Variants in SLC41A2 observed in about 807,000 individuals in gnomAD.
SLC41A2 encodes the protein SLC41A1-like 1.
A neutral mutation model predicts 58.3 loss-of-function variants in SLC41A2; 32 were observed. The ratio of observed to expected loss-of-function variants is 0.55; its 90% CI spans 0.41 to 0.74. SLC41A2 has a LOEUF of 0.74. Among genes scored for constraint, SLC41A2 ranks in the 30% least tolerant of loss-of-function variants. The pLI, the probability that SLC41A2 is intolerant of heterozygous loss-of-function variation, is 0.00. For missense variants in SLC41A2, 514 were observed against 680.6 expected, an observed-to-expected ratio of 0.76 and a Z score of 2.72; for synonymous variants, 190 against 235.0, an observed-to-expected ratio of 0.81 and a Z score of 1.75.
intron 1 of SLC41A2, among the ~76,000 whole-genome samples, chr12:104,938,455 C>T (rs958136037): frequency 2.0e-5 from 3 of 152,206 alleles, no homozygotes; most frequent in African/African-American, 7.2e-5. Flanking sequence ...TAGGAGAATT[C>T]TACTTCCTCA....
chr12:104,877,490 C>T (rs1335262014), intron 6 of SLC41A2, among the ~76,000 whole-genome samples: 4 of 152,042 alleles, frequency 2.6e-5, no homozygotes, highest in Non-Finnish European at 5.9e-5. Context: ...TTTCAGAAGA[C>T]AAAGATTAGA....
At chr12:104,849,165 C>T (rs544150989) in intron 8 of SLC41A2, among the ~76,000 whole-genome samples, 2 of 152,198 alleles carry the variant, frequency 1.3e-5, no homozygotes, top group South Asian at 4.1e-4. Context: ...AGATAAATTA[C>T]ACACCATAAA....
chr12:104,917,530 G>A (rs1399457068), intron 2 of SLC41A2, among the ~76,000 whole-genome samples: 1 of 151,936 alleles, frequency 6.6e-6, no homozygotes, highest in African/African-American at 2.4e-5. Context: ...GCACATGTAT[G>A]TTTATTGCGG....
At chr12:104,845,696 T>C in intron 9 of SLC41A2, 147 bp downstream of exon 9, 1 of 629,256 alleles carries the variant, frequency 1.6e-6, no homozygotes, top group Non-Finnish European at 2.5e-6. Context: ...TTGATACACA[T>C]GCCTTTTCAT....
At chr12:104,876,568 A>G (rs1053223398) in intron 6 of SLC41A2, among the ~76,000 whole-genome samples, 1 of 151,874 alleles carries the variant, frequency 6.6e-6, no homozygotes, top group Non-Finnish European at 1.5e-5. Flanking sequence ...TGAATTTTCC[A>G]GTTTTTTTCC....
At chr12:104,912,059 T>G (rs1362763176) in intron 2 of SLC41A2, among the ~76,000 whole-genome samples, 2 of 152,180 alleles carry the variant, frequency 1.3e-5, no homozygotes, top group Non-Finnish European at 2.9e-5. Context: ...CTCACTCACT[T>G]AATCTTCACA....
chr12:104,954,824 C>T (rs953516309), intron 1 of SLC41A2, among the ~76,000 whole-genome samples: 9 of 152,000 alleles, frequency 5.9e-5, no homozygotes, highest in Admixed American at 2.0e-4. Context: ...GAAACCTTTA[C>T]TTGTATTTTC....
In SLC41A2 at chr12:104,909,744, T is replaced by C. The variant is rs1272128797; in HGVS notation, c.574A>G (p.Lys192Glu). 1.2e-6 allele frequency: 2 copies of C among 1,607,180 alleles called. No homozygotes were observed. Among genetic ancestry groups the C allele is most frequent in the African/African-American group, 2.7e-5 (2 of 74,484 alleles). ...ACTAAAATGAAAACTTCTGTAACTT[T>C]TCTGAACACCTCCCAGTGCTGTAAG... ...DIVQHWEVFRKVTEVFILVPA... is the reference protein window; with the variant it reads ...DIVQHWEVFREVTEVFILVPA... The change falls in exon 3 of 11, where the codon AAA (lysine) becomes GAA (glutamate). Residue 192 changes from lysine to glutamate, a missense_variant. By Grantham distance (56) the Lys-to-Glu change is moderately conservative. Transcript: ENST00000258538.
intron 2 of SLC41A2, among the ~76,000 whole-genome samples, chr12:104,917,832 G>T (rs1477355700): frequency 0.21 from 3,334 of 16,036 alleles, 228 homozygotes; most frequent in African/African-American, 0.34. Flanking sequence ...GGGGTGGGGG[G>T]AGGGGGGACG....
chr12:104,874,358 G>C (rs1175574968), intron 6 of SLC41A2, among the ~76,000 whole-genome samples: 1 of 152,138 alleles, frequency 6.6e-6, no homozygotes, highest in Non-Finnish European at 1.5e-5. Flanking sequence ...ACAGGCGTGA[G>C]CCATCACGCC....
chr12:104,928,300 A>G lies in SLC41A2; in HGVS notation c.228T>C (p.Phe76=). The G allele has an allele frequency of 6.2e-7, 1 of 1,612,780 alleles. No individual in the cohort carries two copies. The highest frequency in any genetic ancestry group is 8.5e-7 in the Non-Finnish European group (1 of 1,179,122). ...CCATGTGTTGCTCAGATCTATTACT[A>G]AAAGTCTGTACTGCAGTTGATAATC... ...QDGLSTAVQT[F]SNRSEQHMEY... Residue 76 remains phenylalanine, a synonymous_variant, in exon 2 of 11, where the codon TTT becomes TTC. Transcript: ENST00000258538.
At chr12:104,840,367 A>G (rs1162658602) in intron 10 of SLC41A2, among the ~76,000 whole-genome samples, 2 of 152,214 alleles carry the variant, frequency 1.3e-5, no homozygotes, top group African/African-American at 4.8e-5. Context: ...CTGTGGGTTC[A>G]ATGTGCTAGT....
intron 7 of SLC41A2, among the ~76,000 whole-genome samples, chr12:104,865,405 A>G (rs891823143): frequency 3.3e-5 from 5 of 152,182 alleles, no homozygotes; most frequent in Non-Finnish European, 5.9e-5. Context: ...TGGGTGCTAA[A>G]GCTGGAGAAA....
chr12:104,834,479 G>A (rs537888381), intron 10 of SLC41A2, among the ~76,000 whole-genome samples: 1 of 152,144 alleles, frequency 6.6e-6, no homozygotes, highest in Non-Finnish European at 1.5e-5. Context: ...CTGACAGACA[G>A]AGAAACCAAT....
chr12:104,844,524 G>C lies in SLC41A2; in HGVS notation c.1484C>G (p.Thr495Ser). The change falls in exon 10 of 11, where the codon ACT becomes AGT. Residue 495 changes from threonine (T) to serine (S), a missense_variant. Physicochemically the swap from Thr to Ser is moderately conservative, Grantham distance 58. This residue lies in a region of SLC41A2 where 128 missense variants were observed against 146.0 expected (regional missense o/e 0.88). Transcript: ENST00000258538. The part of the protein sequence containing the change: ...YTIHLMKSGH[T>S]SLTIIFIVVY... Reference sequence around the variant, plus strand: ...TACTATGAAGATTATAGTTAAAGAAGTATGACCACTTTTCATCAAATGAAT... The same window carrying C: ...TACTATGAAGATTATAGTTAAAGAACTATGACCACTTTTCATCAAATGAAT... The C allele has an allele frequency of 6.4e-7, 1 of 1,569,722 alleles. No homozygotes were observed. Among genetic ancestry groups the C allele is most frequent in the Non-Finnish European group, 8.6e-7 (1 of 1,159,280 alleles).
intron 1 of SLC41A2, among the ~76,000 whole-genome samples, chr12:104,955,016 C>CTTTTTTTTTTTTTTTT (rs375969264): frequency 1.3e-5 from 1 of 79,174 alleles, no homozygotes; most frequent in African/African-American, 5.2e-5. Flanking sequence ...TTGGCCCTTG[C>CTTTTTTTTTTTTTTTT]TTTTTTTTTT....
chr12:104,816,315 C>A (rs2041401682), intron 10 of SLC41A2, among the ~76,000 whole-genome samples: 1 of 152,122 alleles, frequency 6.6e-6, no homozygotes, highest in Middle Eastern at 3.2e-3. Context: ...AATGACCTAC[C>A]AACAGAAAAC....
At chr12:104,950,946 G>A (rs373221961) in intron 1 of SLC41A2, among the ~76,000 whole-genome samples, 82 of 152,266 alleles carry the variant, frequency 5.4e-4, no homozygotes, top group African/African-American at 1.9e-3. Context: ...TGGGGGAGGG[G>A]TAAGCAGTAA....
intron 10 of SLC41A2, among the ~76,000 whole-genome samples, chr12:104,840,447 A>C (rs933992559): frequency 3.3e-5 from 5 of 152,264 alleles, no homozygotes; most frequent in Non-Finnish European, 7.3e-5. Context: ...TAGTCTCATA[A>C]ATGCTGACTG....
Sources: allele counts gnomAD v4.1 joint callset (sites outside exome capture counted in the v4.1 genomes callset), GRCh38; gene constraint gnomAD v4.1.1; regional missense constraint gnomAD v4.1.1; transcripts MANE v1.5; gene names NCBI Gene and HGNC (gene_info 2026-07-23, HGNC 2026-07-21).